CACNA2D1: variants seen among roughly 807,000 people sequenced by gnomAD.
The protein encoded by CACNA2D1 is calcium voltage-gated channel auxiliary subunit alpha2delta 1.
In CACNA2D1, 53 loss-of-function variants were observed where a neutral mutation model predicts 171.5. The observed-to-expected ratio is 0.31, with a 90% CI of 0.25 to 0.39. The LOEUF (loss-of-function observed/expected upper bound fraction) is 0.39, where lower values mean the gene tolerates loss of function less well. CACNA2D1 is among the 10% of genes least tolerant of loss of function. CACNA2D1 has a pLI of 1.00. For synonymous variants in CACNA2D1, 442 were observed against 443.1 expected (o/e 1.00, Z 0.03); for missense variants, 903 against 1,299.8 (o/e 0.69, Z 4.69).
At chr7:81,984,344 A>C (rs544057938) in intron 22 of CACNA2D1, among the ~76,000 whole-genome samples, 1 of 152,304 alleles carries the variant, frequency 6.6e-6, no homozygotes, top group East Asian at 1.9e-4. Flanking sequence ...CAGACCCTTA[A>C]AACGACAGCA....
rs537060837 is a variant in CACNA2D1, at chr7:82,212,238, C to A, written c.295-41629G>T. On this transcript the variant is annotated intron_variant, in intron 3 of 38. Coordinates refer to ENST00000356860, the MANE Select transcript of CACNA2D1 (RefSeq NM_000722.4). ...AGGGGCCCAATAAAGGTTGCCAGAT[C>A]TAGCAATTAAAAATATGGGATACCT... 1.4e-3 allele frequency among the ~76,000 whole-genome samples: 211 copies of A among 152,248 alleles called. 1 individual carries two copies. Among genetic ancestry groups the A allele is most frequent in the African/African-American group, 4.9e-3 (202 of 41,558 alleles).
intron 3 of CACNA2D1, among the ~76,000 whole-genome samples, chr7:82,202,065 G>A (rs1346833997): frequency 6.6e-6 from 1 of 152,212 alleles, no homozygotes; most frequent in Admixed American, 6.5e-5. Flanking sequence ...AGTTTGGAGT[G>A]CGGGCACACA....
intron 1 of CACNA2D1, among the ~76,000 whole-genome samples, chr7:82,425,468 A>G (rs1340212450): frequency 1.3e-5 from 2 of 152,124 alleles, no homozygotes; most frequent in East Asian, 3.9e-4. Flanking sequence ...TATGCTACAC[A>G]GAATAGAAAA....
At chr7:82,337,248 T>A in intron 2 of CACNA2D1, among the ~76,000 whole-genome samples, 1 of 152,104 alleles carries the variant, frequency 6.6e-6, no homozygotes, top group East Asian at 1.9e-4. Context: ...CTGTATTATT[T>A]TATATATAAA....
At chr7:82,032,725 C>G (rs902279274) in intron 12 of CACNA2D1, 72 bp downstream of exon 12, 4 of 791,422 alleles carry the variant, frequency 5.1e-6, no homozygotes, top group Non-Finnish European at 8.3e-6. Context: ...CCCCTCACTA[C>G]CACTACCCAC....
intron 7 of CACNA2D1, 26 bp from the exon 8 acceptor site, chr7:82,066,550 A>G (rs767703517): frequency 2.5e-6 from 4 of 1,576,942 alleles, no homozygotes; most frequent in Non-Finnish European, 3.4e-6. Flanking sequence ...AAAGAGAGAT[A>G]TTAAATCAAA....
At chr7:82,384,215 C>T (rs922196509) in intron 1 of CACNA2D1, among the ~76,000 whole-genome samples, 22 of 152,132 alleles carry the variant, frequency 1.4e-4, no homozygotes, top group Admixed American at 2.6e-4. Flanking sequence ...TTGTCTCCCC[C>T]AAAAAATGTG....
chr7:82,034,739 GTTTTGT>G (rs1461598599), intron 11 of CACNA2D1, among the ~76,000 whole-genome samples: 2 of 151,916 alleles, frequency 1.3e-5, no homozygotes, highest in African/African-American at 4.8e-5. Context: ...ATAGGACATG[GTTTTGT>G]TTTTGAAGTA....
chr7:82,287,997 A>ATTTTTTTT (rs5885283), intron 3 of CACNA2D1, among the ~76,000 whole-genome samples: 2 of 138,890 alleles, frequency 1.4e-5, no homozygotes, highest in Admixed American at 7.1e-5. Flanking sequence ...TGCCCGGCTA[A>ATTTTTTTT]TTTTTTTTTT....
intron 6 of CACNA2D1, among the ~76,000 whole-genome samples, chr7:82,113,905 T>C (rs1788726569): frequency 6.6e-6 from 1 of 152,182 alleles, no homozygotes; most frequent in African/African-American, 2.4e-5. Context: ...TCAGCAAAGA[T>C]GAAGATGCCA....
intron 3 of CACNA2D1, among the ~76,000 whole-genome samples, chr7:82,173,363 G>C (rs1796243127): frequency 6.6e-6 from 1 of 152,056 alleles, no homozygotes; most frequent in Non-Finnish European, 1.5e-5. Flanking sequence ...ATGAAGTTAT[G>C]TATACCAAAG....
intron 10 of CACNA2D1, among the ~76,000 whole-genome samples, chr7:82,053,908 G>A (rs1014986229): frequency 2.0e-4 from 30 of 152,066 alleles, no homozygotes; most frequent in African/African-American, 6.8e-4. Flanking sequence ...CACACCAAAT[G>A]AGTACACCCA....
chr7:81,959,840 AATATGGTATC>A lies in CACNA2D1; in HGVS notation c.2967-21_2967-12del. The A allele has an allele frequency of 6.2e-7, 1 of 1,610,438 alleles. No homozygotes were observed. The highest frequency in any genetic ancestry group is 8.5e-7 in the Non-Finnish European group (1 of 1,177,938). ...TCTCCATGAAAGATTCTGCAAAATA[AATATGGTATC>A]ATAGAAAATGAGTATCTTTTCCAAA... On this transcript the variant is annotated splice_polypyrimidine_tract_variant and intron_variant, in intron 36 of 38. Transcript: ENST00000356860.
At chr7:82,302,434 G>T (rs962356211) in intron 3 of CACNA2D1, among the ~76,000 whole-genome samples, 1 of 149,350 alleles carries the variant, frequency 6.7e-6, no homozygotes, top group Non-Finnish European at 1.5e-5. Context: ...TTTGGAGACG[G>T]AGTTTCGCTC....
At chr7:82,435,257 G>A (rs1296139838) in intron 1 of CACNA2D1, among the ~76,000 whole-genome samples, 1 of 151,722 alleles carries the variant, frequency 6.6e-6, no homozygotes, top group South Asian at 2.1e-4. Context: ...GGATTGTCTC[G>A]ATCTCTCCTG....
At chr7:82,217,256 A>G (rs532330882) in intron 3 of CACNA2D1, among the ~76,000 whole-genome samples, 1 of 151,850 alleles carries the variant, frequency 6.6e-6, no homozygotes, top group South Asian at 2.1e-4. Context: ...TGAAGCTGTA[A>G]GATTTAAAAG....
intron 1 of CACNA2D1, among the ~76,000 whole-genome samples, chr7:82,371,292 C>T (rs968173864): frequency 6.6e-6 from 1 of 152,260 alleles, no homozygotes. Flanking sequence ...AGTTCATGCG[C>T]TCTGGGCTAG....
chr7:82,134,752 C>T (rs953188304), intron 5 of CACNA2D1, among the ~76,000 whole-genome samples: 3 of 152,028 alleles, frequency 2.0e-5, no homozygotes, highest in East Asian at 1.9e-4. Context: ...ACATTTTTTT[C>T]TCTCTCAAGA....
intron 3 of CACNA2D1, among the ~76,000 whole-genome samples, chr7:82,298,198 T>C (rs1812541815): frequency 6.6e-6 from 1 of 152,134 alleles, no homozygotes. Context: ...CATGTAAATG[T>C]TTTCCACCAA....
Sources: gnomAD v4.1 joint callset for allele counts (sites outside exome capture counted in the v4.1 genomes callset) on GRCh38, gnomAD v4.1.1 for gene constraint, MANE v1.5 for transcripts, NCBI Gene and HGNC (gene_info 2026-07-23, HGNC 2026-07-21) for gene names.